HECW2: variants seen among roughly 807,000 people sequenced by gnomAD.
The protein encoded by HECW2 is E3 ubiquitin-protein ligase HECW2.
A neutral mutation model predicts 175.2 loss-of-function variants in HECW2; 61 were observed. The ratio of observed to expected loss-of-function variants is 0.35; its 90% CI spans 0.28 to 0.43. HECW2 has a LOEUF of 0.43. Ranked by LOEUF, HECW2 falls within the 20% of genes least tolerant of loss-of-function variation. The pLI is 1.00. For synonymous variants in HECW2, 671 were observed against 731.0 expected, an observed-to-expected ratio of 0.92 and a Z score of 1.32; for missense variants, 1,524 against 2,000.5, an observed-to-expected ratio of 0.76 and a Z score of 4.54.
intron 1 of HECW2, among the ~76,000 whole-genome samples, chr2:196,536,667 C>G (rs1165743276): frequency 6.6e-6 from 1 of 152,198 alleles, no homozygotes; most frequent in Admixed American, 6.5e-5. Flanking sequence ...TTATAGATCT[C>G]AAAAAGTCAC....
chr2:196,501,849 T>C (rs1278773579), intron 1 of HECW2, among the ~76,000 whole-genome samples: 3 of 152,234 alleles, frequency 2.0e-5, no homozygotes, highest in Non-Finnish European at 2.9e-5. Context: ...GTTTAGTCCA[T>C]ACTTTTCCAA....
At chr2:196,399,667 G>C (rs570369255) in intron 2 of HECW2, among the ~76,000 whole-genome samples, 2 of 152,182 alleles carry the variant, frequency 1.3e-5, no homozygotes, top group Non-Finnish European at 2.9e-5. Flanking sequence ...AAAAACAAAA[G>C]TGGGATTCAA....
At chr2:196,459,935 T>C (rs961095242) in intron 1 of HECW2, among the ~76,000 whole-genome samples, 2 of 152,162 alleles carry the variant, frequency 1.3e-5, no homozygotes, top group Admixed American at 1.3e-4. Context: ...TCTCCCTTCC[T>C]AAATACACAT....
intron 2 of HECW2, among the ~76,000 whole-genome samples, chr2:196,429,982 G>T (rs1695661473): frequency 6.6e-6 from 1 of 152,220 alleles, no homozygotes; most frequent in Non-Finnish European, 1.5e-5. Context: ...CAGAGGTTAA[G>T]CAGTGCTGGT....
chr2:196,196,629 T>C lies in HECW2; in HGVS notation c.*4648A>G, dbSNP rs144899496. The C allele has an allele frequency of 1.3e-5, 2 of 152,024 alleles. No individual in the cohort carries two copies. Among genetic ancestry groups the C allele is most frequent in the East Asian group, 1.9e-4 (1 of 5,146 alleles). The allele number at this position is 152,024 out of a possible 1,614,324, so 9.4% of individuals were successfully genotyped here. ...CTGGGCAACGTGGCAAAACCCTGTG[T>C]CTACAAAAAATATAAAAAAATTAGC... On this transcript the variant is annotated 3_prime_UTR_variant, in exon 29 of 29. Transcript: ENST00000644978.
chr2:196,253,898 T>C, intron 19 of HECW2, 22 bp downstream of exon 19: 3 of 1,608,382 alleles, frequency 1.9e-6, no homozygotes, highest in South Asian at 1.1e-5. Context: ...GAGAATTCAC[T>C]GTGAGCAGCA....
At chr2:196,441,512 C>T (rs180921572) in intron 1 of HECW2, among the ~76,000 whole-genome samples, 28 of 152,044 alleles carry the variant, frequency 1.8e-4, no homozygotes, top group African/African-American at 6.3e-4. Flanking sequence ...ATATAATTAG[C>T]CTGCAGTAAG....
At chr2:196,581,183 G>A (rs1283476782) in intron 1 of HECW2, among the ~76,000 whole-genome samples, 1 of 152,188 alleles carries the variant, frequency 6.6e-6, no homozygotes, top group Non-Finnish European at 1.5e-5. Flanking sequence ...TAGAGGTGAT[G>A]AAAAGGTTCA....
At position 196,278,615 on chromosome 2, in the gene HECW2, G is replaced by A. The variant is rs1575346124; in HGVS notation, c.3048C>T (p.Pro1016=). 5 of 1,613,862 alleles carry A rather than the reference G, an allele frequency of 3.1e-6. No homozygotes were observed. Among genetic ancestry groups the A allele is most frequent in the African/African-American group, 1.3e-5 (1 of 74,862 alleles). The change falls in exon 15 of 29, where the codon CCC becomes CCT. Residue 1016 remains proline (P), a synonymous_variant. Coordinates refer to ENST00000644978, the MANE Select transcript of HECW2 (RefSeq NM_001348768.2). The part of the protein sequence containing the change: ...HNSRTTTFID[P]RLPLQSSRPT... ...GTCTACTGCTCTGAAGTGGGAGCCG[G>A]GGATCAATGAAAGTGGTGGTGCGGG... is the stretch of plus-strand genomic sequence containing the variant.
chr2:196,447,783 G>C (rs4606951), intron 1 of HECW2, among the ~76,000 whole-genome samples: 20,123 of 152,026 alleles, frequency 0.13, 1,764 homozygotes, highest in African/African-American at 0.26. Context: ...TTGGGCCAGG[G>C]GCATTGGCTC....
At chr2:196,534,466 T>G (rs1479912884) in intron 1 of HECW2, among the ~76,000 whole-genome samples, 1 of 152,130 alleles carries the variant, frequency 6.6e-6, no homozygotes, top group Non-Finnish European at 1.5e-5. Flanking sequence ...TTTCTTCTCT[T>G]TAAATAATAT....
intron 1 of HECW2, among the ~76,000 whole-genome samples, chr2:196,479,701 CA>C (rs1396682005): frequency 6.6e-6 from 1 of 152,192 alleles, no homozygotes; most frequent in Admixed American, 6.5e-5. Context: ...CCTCCACCAG[CA>C]ACCTCTCCAG....
At chr2:196,286,074 T>C (rs980484970) in intron 14 of HECW2, among the ~76,000 whole-genome samples, 1 of 152,188 alleles carries the variant, frequency 6.6e-6, no homozygotes, top group African/African-American at 2.4e-5. Context: ...CAGTGTTATG[T>C]TGGAGATGGC....
chr2:196,483,917 C>A (rs1474371097), intron 1 of HECW2, among the ~76,000 whole-genome samples: 3 of 152,016 alleles, frequency 2.0e-5, no homozygotes, highest in Non-Finnish European at 2.9e-5. Flanking sequence ...ATTAATGAGA[C>A]CAAGATATTT....
intron 14 of HECW2, chr2:196,288,672 G>T (rs1235146304): frequency 2.6e-5 from 4 of 152,132 alleles, no homozygotes; most frequent in African/African-American, 7.2e-5. Context: ...AAACTGATGA[G>T]ATTTTTTGGT....
At chr2:196,560,386 T>A (rs779542518) in intron 1 of HECW2, among the ~76,000 whole-genome samples, 4 of 152,150 alleles carry the variant, frequency 2.6e-5, no homozygotes, top group Non-Finnish European at 5.9e-5. Context: ...CCTCAGGTGA[T>A]CTGCCCACCT....
At chr2:196,240,284 C>T in intron 21 of HECW2, 165 bp downstream of exon 21, 1 of 415,896 alleles carries the variant, frequency 2.4e-6, no homozygotes, top group South Asian at 7.5e-5. Flanking sequence ...GATTTAAAAG[C>T]CAGAGGAGAC....
intron 2 of HECW2, among the ~76,000 whole-genome samples, chr2:196,425,822 G>C (rs2125254508): frequency 6.6e-6 from 1 of 152,208 alleles, no homozygotes; most frequent in East Asian, 1.9e-4. Context: ...CATAAACTGA[G>C]TTGAAAAACT....
intron 2 of HECW2, among the ~76,000 whole-genome samples, chr2:196,386,992 C>T (rs555155133): frequency 2.0e-5 from 3 of 152,150 alleles, no homozygotes; most frequent in African/African-American, 7.2e-5. Flanking sequence ...TGTTTTGAGT[C>T]CATCATGAGA....
Sources: allele counts gnomAD v4.1 joint callset (sites outside exome capture counted in the v4.1 genomes callset), GRCh38; gene constraint gnomAD v4.1.1; transcripts MANE v1.5; gene names NCBI Gene and HGNC (gene_info 2026-07-23, HGNC 2026-07-21).